PCDHA8: variants seen among roughly 807,000 people sequenced by gnomAD.
The protein encoded by PCDHA8 is protocadherin alpha 8.
Under a neutral mutation model 61.8 loss-of-function variants are expected in PCDHA8, and 53 were observed. That is an observed-to-expected ratio of 0.86 (90% confidence interval 0.69 to 1.08). PCDHA8 has a LOEUF of 1.08. Ranked by LOEUF, PCDHA8 falls within the 50% of genes least tolerant of loss-of-function variation. PCDHA8 has a pLI of 0.00. For missense variants in PCDHA8, 1,293 were observed against 1,245.0 expected (o/e 1.04, Z -0.58); for synonymous variants, 618 against 556.6 (o/e 1.11, Z -1.55).
chr5:140,930,084 A>T (rs1350674790), intron 1 of PCDHA8: 2 of 152,142 alleles, frequency 1.3e-5, no homozygotes, highest in Non-Finnish European at 2.9e-5. Flanking sequence ...CTCTCATAAC[A>T]TCTATTTATA....
At chr5:140,985,562 C>G (rs1477250763) in intron 3 of PCDHA8, among the ~76,000 whole-genome samples, 1 of 152,116 alleles carries the variant, frequency 6.6e-6, no homozygotes, top group Non-Finnish European at 1.5e-5. Flanking sequence ...CAAAAGGCTT[C>G]TTTCTGGTGC....
chr5:140,905,162 G>A (rs2071641359), intron 1 of PCDHA8, among the ~76,000 whole-genome samples: 1 of 152,118 alleles, frequency 6.6e-6, no homozygotes, highest in African/African-American at 2.4e-5. Flanking sequence ...GAATTTTCAT[G>A]GTTTCAGGTT....
chr5:140,962,764 T>C (rs946789298), intron 1 of PCDHA8, among the ~76,000 whole-genome samples: 7 of 152,226 alleles, frequency 4.6e-5, no homozygotes, highest in African/African-American at 1.7e-4. Flanking sequence ...TATTCGTTTT[T>C]AACAAGATGG....
chr5:140,893,432 C>T (rs1280374649), intron 1 of PCDHA8, among the ~76,000 whole-genome samples: 5 of 151,946 alleles, frequency 3.3e-5, no homozygotes, highest in Non-Finnish European at 7.4e-5. Flanking sequence ...GCAGGAAGAT[C>T]GCTTGAAGCC....
chr5:140,880,168 T>A (rs1287992545), intron 1 of PCDHA8, among the ~76,000 whole-genome samples: 1 of 152,084 alleles, frequency 6.6e-6, no homozygotes, highest in East Asian at 1.9e-4. Flanking sequence ...ATGTTAGAAG[T>A]TAAACATGAA....
At position 140,878,967 on chromosome 5, in the gene PCDHA8, C is replaced by T. The variant is rs562198206; in HGVS notation, c.2394+35252C>T. On this transcript the variant is annotated intron_variant, in intron 1 of 3. Coordinates refer to ENST00000531613, the MANE Select transcript of PCDHA8 (RefSeq NM_018911.3). ...ATGGTATTGAAATGTATTACCTGGA[C>T]ATTCCCCTCTATCTTAGAAATGAGA... Among the ~76,000 whole-genome samples, 52 of 152,298 alleles carry T rather than the reference C, an allele frequency of 3.4e-4. No individual in the cohort carries two copies. The South Asian group carries it at 0.01, about 30-fold the overall frequency.
chr5:140,850,931 T>C, intron 1 of PCDHA8: 1 of 1,516,410 alleles, frequency 6.6e-7, no homozygotes, highest in Non-Finnish European at 8.9e-7. Flanking sequence ...TAATTTTTTT[T>C]CTTGAAAGAT....
At chr5:140,936,662 CT>C (rs1337986057) in intron 1 of PCDHA8, among the ~76,000 whole-genome samples, 1 of 152,178 alleles carries the variant, frequency 6.6e-6, no homozygotes, top group Non-Finnish European at 1.5e-5. Context: ...TATTCTGTTT[CT>C]GGACTGTCTA....
At chr5:140,967,727 G>C in intron 1 of PCDHA8, 2 of 1,614,148 alleles carry the variant, frequency 1.2e-6, no homozygotes, top group Non-Finnish European at 1.7e-6. Flanking sequence ...GCGAGTAATT[G>C]GGGGGCTGGA....
chr5:140,943,139 TC>T (rs1314499841), intron 1 of PCDHA8, among the ~76,000 whole-genome samples: 5 of 151,168 alleles, frequency 3.3e-5, no homozygotes, highest in Non-Finnish European at 5.9e-5. Flanking sequence ...GTGCCTGTAG[TC>T]CCAGCTACTC....
At chr5:140,852,691 T>C (rs1027871378) in intron 1 of PCDHA8, 4 of 974,686 alleles carry the variant, frequency 4.1e-6, no homozygotes, top group East Asian at 1.1e-4. Context: ...TATAGTCTTA[T>C]ACTTTCAAGT....
intron 1 of PCDHA8, chr5:140,863,608 T>A (rs548888922): frequency 5.7e-6 from 2 of 349,702 alleles, no homozygotes; most frequent in Non-Finnish European, 1.1e-5. Flanking sequence ...CCTATTAATG[T>A]CCCTCATAGT....
At chr5:140,871,612 G>T in intron 1 of PCDHA8, 1 of 1,427,256 alleles carries the variant, frequency 7.0e-7, no homozygotes, top group East Asian at 2.5e-5. Flanking sequence ...TTTGAATATT[G>T]TTTTAGATAA....
At chr5:140,916,825 C>T (rs2077750975) in intron 1 of PCDHA8, among the ~76,000 whole-genome samples, 1 of 152,144 alleles carries the variant, frequency 6.6e-6, no homozygotes, top group Non-Finnish European at 1.5e-5. Context: ...CCACCCCTAT[C>T]CCTCTGGTTC....
chr5:140,956,009 C>G (rs1479377959), intron 1 of PCDHA8, among the ~76,000 whole-genome samples: 1 of 152,192 alleles, frequency 6.6e-6, no homozygotes, highest in Non-Finnish European at 1.5e-5. Context: ...TATCCTGAGA[C>G]TTTGCTGAAG....
At chr5:140,962,772 T>C (rs1039768584) in intron 1 of PCDHA8, among the ~76,000 whole-genome samples, 2 of 152,336 alleles carry the variant, frequency 1.3e-5, no homozygotes, top group Admixed American at 1.3e-4. Context: ...TTTAACAAGA[T>C]GGAATTTTTA....
intron 3 of PCDHA8, among the ~76,000 whole-genome samples, chr5:141,007,475 C>T (rs575810038): frequency 1.2e-4 from 18 of 151,396 alleles, no homozygotes; most frequent in Non-Finnish European, 2.1e-4. Flanking sequence ...GGCTGAGGCA[C>T]GAGAATTACT....
intron 3 of PCDHA8, among the ~76,000 whole-genome samples, chr5:140,997,680 G>A (rs954561672): frequency 6.6e-6 from 1 of 151,954 alleles, no homozygotes; most frequent in African/African-American, 2.4e-5. Context: ...GTGTGTGTGT[G>A]TGTGTGTGTG....
rs1489456152 is a variant in PCDHA8 at position 140,857,912 on chromosome 5, C to T, written c.2394+14197C>T. On this transcript the variant is annotated intron_variant, in intron 1 of 3. Transcript: ENST00000531613. ...GGCGGTTGGTGCACGCATCCCGTTT[C>T]GCGTGGGGCTGTACACGGGCGAGAT... is the stretch of plus-strand genomic sequence containing the variant. 3.1e-6 allele frequency: 5 copies of T among 1,597,650 alleles called. 1 individual carries two copies. In the Admixed American group the frequency reaches 6.7e-5, roughly 22 times the overall value.
Sources: allele counts gnomAD v4.1 joint callset (sites outside exome capture counted in the v4.1 genomes callset), GRCh38; gene constraint gnomAD v4.1.1; transcripts MANE v1.5; gene names NCBI Gene and HGNC (gene_info 2026-07-23, HGNC 2026-07-21).